Variants in PIKFYVE observed in about 807,000 individuals in gnomAD.
PIKFYVE encodes the protein 1-phosphatidylinositol 3-phosphate 5-kinase.
In PIKFYVE, 122 loss-of-function variants were observed where a neutral mutation model predicts 257.9. That is an observed-to-expected ratio of 0.47 (90% CI 0.41 to 0.55). The LOEUF is 0.55. PIKFYVE is among the 20% of genes least tolerant of loss of function. The pLI is 0.00. For missense variants in PIKFYVE, 2,160 were observed against 2,536.6 expected, an observed-to-expected ratio of 0.85 and a Z score of 3.19; for synonymous variants, 892 against 868.9, an observed-to-expected ratio of 1.03 and a Z score of -0.47.
chr2:208,314,758 G>A (rs947515167), intron 14 of PIKFYVE, among the ~76,000 whole-genome samples: 5 of 152,150 alleles, frequency 3.3e-5, no homozygotes, highest in African/African-American at 4.8e-5. Flanking sequence ...TTAGCCAGGC[G>A]TGGTGGCGCT....
intron 6 of PIKFYVE, 59 bp downstream of exon 6, chr2:208,285,992 C>CT (rs1691523576): frequency 4.7e-6 from 7 of 1,493,464 alleles, no homozygotes; most frequent in Non-Finnish European, 5.6e-6. Flanking sequence ...GTTGTCTGAC[C>CT]TTTGAGTGCT....
chr2:208,326,269 C>A lies in PIKFYVE; in HGVS notation c.3458C>A (p.Ala1153Asp). The A allele has an allele frequency of 6.3e-7, 1 of 1,592,918 alleles. No homozygotes were observed. ...AGCCAGAGCTTGGGTAGAATGCTGG[C>A]CGATTATCGAGCCAGAGGAGGAAGA... is the stretch of plus-strand genomic sequence containing the variant. ...GDSQSLGRMLADYRARGGRIQ... is the reference protein window; with the variant it reads ...GDSQSLGRMLDDYRARGGRIQ... Residue 1153 changes from alanine to aspartate, a missense_variant, in exon 20 of 42, where the codon GCC becomes GAC. Transcript: ENST00000264380.
intron 12 of PIKFYVE, among the ~76,000 whole-genome samples, chr2:208,308,935 T>C (rs1019457208): frequency 6.6e-6 from 1 of 152,192 alleles, no homozygotes; most frequent in Non-Finnish European, 1.5e-5. Flanking sequence ...CTCTAACTCC[T>C]GATCTCAGGC....
At chr2:208,273,559 A>G (rs1344565004) in intron 2 of PIKFYVE, 25 bp from the exon 3 acceptor site, 1 of 1,614,062 alleles carries the variant, frequency 6.2e-7, no homozygotes, top group Non-Finnish European at 8.5e-7. Context: ...GTCTTTAAAT[A>G]ATGCCAAGCG....
chr2:208,324,432 G>C, intron 18 of PIKFYVE, 150 bp downstream of exon 18: 1 of 836,764 alleles, frequency 1.2e-6, no homozygotes, highest in South Asian at 1.7e-5. Context: ...ATTTCATTAA[G>C]ATTCAGAATT....
intron 28 of PIKFYVE, among the ~76,000 whole-genome samples, chr2:208,337,960 T>G (rs1322747093): frequency 6.6e-6 from 1 of 152,082 alleles, no homozygotes; most frequent in Non-Finnish European, 1.5e-5. Context: ...TGACCTCAGG[T>G]GATCCATCCA....
intron 12 of PIKFYVE, among the ~76,000 whole-genome samples, chr2:208,307,757 T>C (rs1694497970): frequency 1.3e-5 from 2 of 152,170 alleles, no homozygotes; most frequent in Admixed American, 6.5e-5. Context: ...TTTATGGTGA[T>C]ACAAGATTGA....
chr2:208,346,181 G>C, intron 34 of PIKFYVE, 34 bp downstream of exon 34: 1 of 1,496,422 alleles, frequency 6.7e-7, no homozygotes. Context: ...TTTATAATTA[G>C]ATTTACCTAT....
Position 208,325,919 on chromosome 2 carries a change from T to G in PIKFYVE, c.3108T>G (p.Asp1036Glu). The G allele has an allele frequency of 6.2e-7, 1 of 1,614,136 alleles. No individual in the cohort carries two copies. The highest frequency in any genetic ancestry group is 8.5e-7 in the Non-Finnish European group (1 of 1,179,974). The change falls in exon 20 of 42, where the codon GAT becomes GAG. Residue 1036 changes from aspartate to glutamate, a missense_variant. Asp to Glu is a conservative substitution (Grantham distance 45, BLOSUM62 2). Coordinates refer to ENST00000264380, the MANE Select transcript of PIKFYVE (RefSeq NM_015040.4). ...CTGAGGAAGTCACCTCCTCTGAAGA[T>G]AAACGAAAGACTTATTCTTTGGCCT... ...YVTEEVTSSE[D>E]KRKTYSLAFK...
At position 208,354,160 on chromosome 2, in the gene PIKFYVE, G is replaced by GT; in HGVS notation, c.6106+2dup. 1 of 1,612,372 alleles carries GT rather than the reference G, an allele frequency of 6.2e-7. No individual in the cohort carries two copies. The highest frequency in any genetic ancestry group is 1.7e-5 in the Admixed American group (1 of 60,006). ...AATGAGCTAGTAGTTGGAATTATAG[G>GT]TAAGTCAATGAGTACCCTGCTTATA... On this transcript the variant is annotated splice_donor_variant, in intron 40 of 41. Transcript: ENST00000264380. LOFTEE classifies it high-confidence loss of function.
intron 5 of PIKFYVE, among the ~76,000 whole-genome samples, chr2:208,279,688 T>C (rs1690560583): frequency 7.7e-6 from 1 of 129,704 alleles, no homozygotes; most frequent in Non-Finnish European, 1.6e-5. Flanking sequence ...TTGTTGACTT[T>C]GTTGAAGATC....
chr2:208,326,604 T>G (rs949002974), intron 20 of PIKFYVE, among the ~76,000 whole-genome samples, 175 bp downstream of exon 20: 9 of 152,214 alleles, frequency 5.9e-5, no homozygotes, highest in African/African-American at 1.4e-4. Context: ...TACTTTAATA[T>G]GTATGAAGCA....
rs575993555 is a variant in PIKFYVE, at chr2:208,319,275, A to G, written c.2083-977A>G. On this transcript the variant is annotated intron_variant, in intron 16 of 41. Transcript: ENST00000264380. The stretch of plus-strand genomic sequence containing the variant: ...TCCTGAAAATTATTAGTGACCATAG[A>G]TAAATAAAAATATACTTGGCTTGAG... Among the ~76,000 whole-genome samples, 74 of 152,354 alleles carry G rather than the reference A, an allele frequency of 4.9e-4. 1 individual carries two copies. Among genetic ancestry groups the G allele is most frequent in the African/African-American group, 1.4e-3 (60 of 41,584 alleles).
intron 4 of PIKFYVE, among the ~76,000 whole-genome samples, chr2:208,277,148 A>C (rs1340640108): frequency 6.6e-6 from 1 of 152,094 alleles, no homozygotes; most frequent in African/African-American, 2.4e-5. Context: ...ATTTTTCCTC[A>C]TGGATGTCCA....
chr2:208,268,576 C>T (rs920793042), intron 1 of PIKFYVE, among the ~76,000 whole-genome samples: 1 of 14,658 alleles, frequency 6.8e-5, no homozygotes, highest in Non-Finnish European at 2.4e-4. Context: ...AGTGCCTGGC[C>T]TCTTTTTTTT....
chr2:208,337,882 C>T (rs1439826945), intron 28 of PIKFYVE, among the ~76,000 whole-genome samples: 1 of 151,958 alleles, frequency 6.6e-6, no homozygotes, highest in Non-Finnish European at 1.5e-5. Context: ...CCACCACACC[C>T]AGGTAATTTT....
chr2:208,330,748 GTTTT>G, intron 23 of PIKFYVE, 54 bp downstream of exon 23: 1 of 1,202,942 alleles, frequency 8.3e-7, no homozygotes, highest in African/African-American at 1.9e-5. Flanking sequence ...TTATTTGTAT[GTTTT>G]TTTTTTTTCC....
rs1397039897 is a variant in PIKFYVE, at chr2:208,356,309, A to G, written c.*1004A>G. 1 of 152,264 alleles carries G rather than the reference A, an allele frequency of 6.6e-6. No individual in the cohort carries two copies. 9.4% of individuals were successfully genotyped at this position (152,264 alleles called of 1,614,324 possible). ...AAAATAAAAAATTTCTACTGTGGAC[A>G]TCCCCTTTTCCAACTTTCTACATAA... On this transcript the variant is annotated 3_prime_UTR_variant, in exon 42 of 42. Coordinates refer to ENST00000264380, the MANE Select transcript of PIKFYVE (RefSeq NM_015040.4).
chr2:208,271,109 TC>T (rs1432115001), intron 1 of PIKFYVE, among the ~76,000 whole-genome samples: 2 of 152,030 alleles, frequency 1.3e-5, no homozygotes, highest in African/African-American at 4.8e-5. Flanking sequence ...ATAACTAGCT[TC>T]CCCCCATAAC....
Sources: gnomAD v4.1 joint callset for allele counts (sites outside exome capture counted in the v4.1 genomes callset) on GRCh38, gnomAD v4.1.1 for gene constraint, MANE v1.5 for transcripts, NCBI Gene and HGNC (gene_info 2026-07-23, HGNC 2026-07-21) for gene names.